Variants in CSMD2 observed in about 807,000 individuals in gnomAD.
CSMD2 encodes the protein CUB and Sushi multiple domains 2, also known as CUB and sushi domain-containing protein 2.
Under a neutral mutation model 398.5 loss-of-function variants are expected in CSMD2, and 130 were observed. The observed-to-expected ratio is 0.33, with a 90% confidence interval of 0.28 to 0.38. The LOEUF (loss-of-function observed/expected upper bound fraction) is 0.38. CSMD2 is among the 10% of genes least tolerant of loss of function. The pLI, the probability that CSMD2 is intolerant of heterozygous loss-of-function variation, is 1.00. For synonymous variants in CSMD2, 1,828 were observed against 1,908.5 expected, an observed-to-expected ratio of 0.96 and a Z score of 1.10; for missense variants, 3,829 against 4,764.9, an observed-to-expected ratio of 0.80 and a Z score of 5.78.
intron 5 of CSMD2, among the ~76,000 whole-genome samples, chr1:33,915,376 T>C (rs1643671203): frequency 6.6e-6 from 1 of 152,212 alleles, no homozygotes; most frequent in Non-Finnish European, 1.5e-5. Flanking sequence ...GTCTCCAAGT[T>C]TGTTTATCCA....
chr1:33,742,704 GC>G (rs1306331741), intron 14 of CSMD2, among the ~76,000 whole-genome samples: 1 of 151,916 alleles, frequency 6.6e-6, no homozygotes, highest in Non-Finnish European at 1.5e-5. Context: ...TCAGATGGTG[GC>G]CCTCAGAGGG....
intron 1 of CSMD2, among the ~76,000 whole-genome samples, chr1:34,103,361 C>T (rs1006073632): frequency 2.9e-5 from 4 of 137,670 alleles, no homozygotes; most frequent in Admixed American, 8.1e-5. Flanking sequence ...TGCAGTGGTG[C>T]GATCTCGGCT....
intron 1 of CSMD2, among the ~76,000 whole-genome samples, chr1:34,147,700 T>C (rs1394458687): frequency 6.8e-6 from 1 of 147,346 alleles, no homozygotes; most frequent in Non-Finnish European, 1.5e-5. Flanking sequence ...AGAAAGTGTG[T>C]GCATGGGCTA....
chr1:34,037,826 T>G (rs527926675), intron 2 of CSMD2, among the ~76,000 whole-genome samples: 1 of 152,342 alleles, frequency 6.6e-6, no homozygotes, highest in Non-Finnish European at 1.5e-5. Context: ...ATTTTTGCAC[T>G]GCCATTAAAG....
chr1:34,151,877 C>T (rs1282665358), intron 1 of CSMD2, among the ~76,000 whole-genome samples: 1 of 116,516 alleles, frequency 8.6e-6, no homozygotes, highest in Non-Finnish European at 1.6e-5. Flanking sequence ...TCTTCTAATT[C>T]TGTCACCCAG....
Position 33,724,561 on chromosome 1 carries a change from A to T in CSMD2, c.2839T>A (p.Cys947Ser), listed in dbSNP as rs1192598414. The T allele has an allele frequency of 6.2e-7, 1 of 1,614,044 alleles. No homozygotes were observed. Among genetic ancestry groups the T allele is most frequent in the South Asian group, 1.1e-5 (1 of 91,064 alleles). The change falls in exon 18 of 71, where the codon TGT becomes AGT. Residue 947 changes from cysteine (C) to serine (S), a missense_variant. Around this residue, in one of 5 missense-constraint regions of CSMD2, gnomAD observed 2,001 missense variants for 2,567.1 expected, o/e 0.78. Transcript: ENST00000373381. ...CGGCTCCACTGGAAGTTGGGCTCACACTCCAGAGGCTCCCCGTCACTTAAT... is the reference window on the plus strand; with the variant it reads ...CGGCTCCACTGGAAGTTGGGCTCACTCTCCAGAGGCTCCCCGTCACTTAAT... ...YTLSDGEPLE[C>S]EPNFQWSRAL...
chr1:33,731,353 T>A (rs944912220), intron 15 of CSMD2, among the ~76,000 whole-genome samples: 2 of 152,182 alleles, frequency 1.3e-5, no homozygotes, highest in African/African-American at 4.8e-5. Context: ...TCCTAGGGTA[T>A]GATCATTAAT....
chr1:33,525,621 A>C lies in CSMD2; in HGVS notation c.10235-578T>G, dbSNP rs549836428. Among the ~76,000 whole-genome samples the C allele has an allele frequency of 3.9e-5, 6 of 152,330 alleles. No individual in the cohort carries two copies. The South Asian group carries it at 1.2e-3, about 32-fold the overall frequency. On this transcript the variant is annotated intron_variant, in intron 65 of 70. Transcript: ENST00000373381. The stretch of plus-strand genomic sequence containing the variant: ...TAGACTGGAGATATGAGTTTTGGTG[A>C]TCTACTGCATGGCATAGTGACTATA...
At chr1:33,851,606 G>A (rs1638712863) in intron 5 of CSMD2, among the ~76,000 whole-genome samples, 3 of 152,134 alleles carry the variant, frequency 2.0e-5, no homozygotes, top group African/African-American at 7.2e-5. Flanking sequence ...TTTGTCAGTG[G>A]TGGGCAAATA....
intron 48 of CSMD2, 22 bp downstream of exon 48, chr1:33,580,731 T>C (rs915308491): frequency 7.4e-6 from 12 of 1,613,680 alleles, no homozygotes; most frequent in Non-Finnish European, 1.0e-5. Context: ...GCCTGTGGCT[T>C]ATTTGTGTTT....
rs1638343517 is a variant in CSMD2, at chr1:33,577,333, G to T, written c.7539C>A (p.Gly2513=). ...SMAICTRHPQ[G]YHLWSEAIPL... is the part of the protein sequence containing the mutation. The stretch of plus-strand genomic sequence containing the variant: ...GGATGGCTTCGCTCCACAGGTGGTA[G>T]CCCTGGGGGTGCCGGGTACAGATGG... The change falls in exon 49 of 71, where the codon GGC becomes GGA. Residue 2513 remains glycine, a synonymous_variant. Coordinates refer to ENST00000373381, the MANE Select transcript of CSMD2 (RefSeq NM_001281956.2). 6.2e-7 allele frequency: 1 copy of T among 1,613,548 alleles called. No individual in the cohort carries two copies. The highest frequency in any genetic ancestry group is 8.5e-7 in the Non-Finnish European group (1 of 1,179,676).
rs761344596 is a variant in CSMD2, at chr1:33,772,520, C to T, written c.1846+49G>A. On this transcript the variant is annotated intron_variant, in intron 13 of 70. Transcript: ENST00000373381. ...CCCTGGATTAGCTAGGAAACGGGCC[C>T]CTGCCTCTCAGTGAAGACCCTGGCG... 1.9e-6 allele frequency: 3 copies of T among 1,563,108 alleles called. No individual in the cohort carries two copies. The South Asian group carries it at 3.5e-5, about 18-fold the overall frequency.
chr1:33,610,354 A>C (rs1346002707), intron 41 of CSMD2, among the ~76,000 whole-genome samples: 1 of 152,206 alleles, frequency 6.6e-6, no homozygotes, highest in East Asian at 1.9e-4. Flanking sequence ...CAATAAGGGA[A>C]GCATCCAAGG....
intron 44 of CSMD2, among the ~76,000 whole-genome samples, chr1:33,589,659 A>G (rs1639300210): frequency 6.6e-6 from 1 of 152,212 alleles, no homozygotes; most frequent in Non-Finnish European, 1.5e-5. Flanking sequence ...TGGCGTGACA[A>G]AACAGTGCCT....
At position 33,846,980 on chromosome 1, in the gene CSMD2, G is replaced by A; in HGVS notation, c.937C>T (p.Leu313Phe). 1 of 1,609,134 alleles carries A rather than the reference G, an allele frequency of 6.2e-7. No homozygotes were observed. The highest frequency in any genetic ancestry group is 8.5e-7 in the Non-Finnish European group (1 of 1,177,552). The stretch of plus-strand genomic sequence containing the variant: ...TTGCTGCTGATAACGGGGGCTGGGA[G>A]GCTGGCTCCGGTGAACCTGTGGGAA... ...GSSLWFTGAS[L>F]PAPVISSKNW... Residue 313 changes from leucine to phenylalanine, a missense_variant, in exon 6 of 71, where the codon CTC (leucine) becomes TTC (phenylalanine). Physicochemically the swap from Leu to Phe is conservative, Grantham distance 22. Transcript: ENST00000373381.
intron 28 of CSMD2, among the ~76,000 whole-genome samples, chr1:33,647,177 A>G (rs1273563763): frequency 6.6e-6 from 1 of 152,162 alleles, no homozygotes; most frequent in African/African-American, 2.4e-5. Flanking sequence ...TCCAAAACCC[A>G]ACTCTCTTAC....
chr1:33,592,948 CAA>C (rs35494833), intron 44 of CSMD2, among the ~76,000 whole-genome samples: 131 of 126,780 alleles, frequency 1.0e-3, no homozygotes, highest in Non-Finnish European at 1.5e-3. Context: ...GACTCTGTCT[CAA>C]AAAAAAAAAA....
chr1:34,051,104 A>G (rs935882545), intron 2 of CSMD2, among the ~76,000 whole-genome samples: 1 of 152,222 alleles, frequency 6.6e-6, no homozygotes, highest in African/African-American at 2.4e-5. Context: ...CTACTACACA[A>G]TGGAGGTAAG....
chr1:33,799,027 C>A (rs1340559579), intron 10 of CSMD2, among the ~76,000 whole-genome samples: 1 of 152,214 alleles, frequency 6.6e-6, no homozygotes, highest in East Asian at 1.9e-4. Context: ...CCTAACTGGG[C>A]TGTCTGTCTC....
Sources: gnomAD v4.1 joint callset for allele counts (sites outside exome capture counted in the v4.1 genomes callset) on GRCh38, gnomAD v4.1.1 for gene constraint, gnomAD v4.1.1 regional missense constraint, MANE v1.5 for transcripts, NCBI Gene and HGNC (gene_info 2026-07-23, HGNC 2026-07-21) for gene names.